ENTREP2: variants seen among roughly 807,000 people sequenced by gnomAD.
The protein encoded by ENTREP2 is endosomal transmembrane epsin interactor 2, also known as protein ENTREP2.
chr15:29,154,969 A>C, the ENTREP2 span, among the ~76,000 whole-genome samples: 1 of 152,236 alleles, frequency 6.6e-6, no homozygotes, highest in African/African-American at 2.4e-5. Context: ...CAGAAAAATG[A>C]GTCCTGAACT....
the ENTREP2 span, among the ~76,000 whole-genome samples, chr15:29,669,883 C>T: frequency 3.3e-5 from 5 of 152,178 alleles, no homozygotes; most frequent in Admixed American, 1.3e-4. Context: ...GTGGCAGTGG[C>T]TGTCTGGAGC....
chr15:29,547,547 C>A, the ENTREP2 span, among the ~76,000 whole-genome samples: 4 of 152,190 alleles, frequency 2.6e-5, no homozygotes, highest in Admixed American at 2.0e-4. Flanking sequence ...TCACCCTCAT[C>A]AGGATGGCTA....
At chr15:29,384,916 T>A in the ENTREP2 span, among the ~76,000 whole-genome samples, 3 of 152,182 alleles carry the variant, frequency 2.0e-5, no homozygotes, top group African/African-American at 7.2e-5. Context: ...TCACGCAGAC[T>A]AAGCCTGGAC....
chr15:29,136,650 C>T, the ENTREP2 span: 15 of 812,092 alleles, frequency 1.8e-5, no homozygotes, highest in Non-Finnish European at 2.4e-5. Flanking sequence ...AGTCACTGGG[C>T]GATTTGCACT....
At chr15:29,652,172 G>A in the ENTREP2 span, among the ~76,000 whole-genome samples, 37 of 152,310 alleles carry the variant, frequency 2.4e-4, no homozygotes, top group African/African-American at 8.4e-4. Flanking sequence ...CTGCAGAGAG[G>A]AGAAACACAC....
At chr15:29,134,889 G>C in the ENTREP2 span, among the ~76,000 whole-genome samples, 1 of 152,154 alleles carries the variant, frequency 6.6e-6, no homozygotes, top group Non-Finnish European at 1.5e-5. Flanking sequence ...CCCTGTGCTA[G>C]GGTGTCTTTA....
At chr15:29,303,971 C>T in the ENTREP2 span, among the ~76,000 whole-genome samples, 1 of 151,918 alleles carries the variant, frequency 6.6e-6, no homozygotes, top group African/African-American at 2.4e-5. Flanking sequence ...ACCTCCACCT[C>T]CCAGGTTCAG....
the ENTREP2 span, among the ~76,000 whole-genome samples, chr15:29,402,292 TTG>T: frequency 2.7e-3 from 355 of 131,554 alleles, 2 homozygotes; most frequent in East Asian, 6.7e-3. Flanking sequence ...GTATATTGTA[TTG>T]TGTGTGTGTG....
At chr15:29,503,728 CAATT>C in the ENTREP2 span, among the ~76,000 whole-genome samples, 2 of 152,102 alleles carry the variant, frequency 1.3e-5, no homozygotes, top group African/African-American at 2.4e-5. Flanking sequence ...TACTAATAGA[CAATT>C]AATGAATATG....
At chr15:29,185,639 G>A in the ENTREP2 span, among the ~76,000 whole-genome samples, 1 of 152,118 alleles carries the variant, frequency 6.6e-6, no homozygotes, top group South Asian at 2.1e-4. Context: ...TCAGCTCACT[G>A]CAACCTCTGC....
At chr15:29,263,868 T>G in the ENTREP2 span, among the ~76,000 whole-genome samples, 3 of 152,114 alleles carry the variant, frequency 2.0e-5, no homozygotes, top group Non-Finnish European at 4.4e-5. Flanking sequence ...AGTTAAAGTC[T>G]GAACTCCTGG....
the ENTREP2 span, among the ~76,000 whole-genome samples, chr15:29,332,890 C>T: frequency 8.5e-5 from 12 of 140,358 alleles, no homozygotes; most frequent in East Asian, 2.3e-4. Flanking sequence ...ACCCACGGGG[C>T]GGAGGTTGCA....
the ENTREP2 span, among the ~76,000 whole-genome samples, chr15:29,656,005 CAAAGCAACACTCCGTTTAAAAAAAAAAAA>C: frequency 9.2e-6 from 1 of 108,402 alleles, no homozygotes; most frequent in African/African-American, 3.5e-5. Flanking sequence ...GCCCGGGTGA[CAAAGCAACACTCCGTTTAAAAAAAAAAAA>C]AAAAAAAAAC....
the ENTREP2 span, chr15:29,570,484 CG>C: frequency 7.8e-7 from 1 of 1,287,532 alleles, no homozygotes. Flanking sequence ...AGCCCGTCCC[CG>C]CCTGGTCGCG....
chr15:29,618,747 T>TGAA, the ENTREP2 span, among the ~76,000 whole-genome samples: 48,704 of 151,872 alleles, frequency 0.32, 10,818 homozygotes, highest in African/African-American at 0.63. Context: ...CAGTGTGCCC[T>TGAA]GAAGGAGACT....
the ENTREP2 span, chr15:29,136,437 G>A: frequency 8.4e-6 from 13 of 1,547,250 alleles, no homozygotes; most frequent in Non-Finnish European, 1.1e-5. Context: ...AGCAGGCCGG[G>A]GCTATTGATG....
the ENTREP2 span, among the ~76,000 whole-genome samples, chr15:29,372,573 T>C: frequency 6.6e-6 from 1 of 152,154 alleles, no homozygotes; most frequent in Non-Finnish European, 1.5e-5. Context: ...CATCTCTAAA[T>C]ATTATAGATA....
chr15:29,451,447 C>T, the ENTREP2 span, among the ~76,000 whole-genome samples: 38 of 152,148 alleles, frequency 2.5e-4, no homozygotes, highest in Admixed American at 2.5e-3. Context: ...AAAGGCACTC[C>T]CAGACCACTG....
chr15:29,254,628 G>A, the ENTREP2 span, among the ~76,000 whole-genome samples: 5 of 152,180 alleles, frequency 3.3e-5, no homozygotes, highest in Admixed American at 1.3e-4. Flanking sequence ...GGAGGCCAAG[G>A]TGGGTGGATC....
Sources: gnomAD v4.1 joint callset for allele counts (sites outside exome capture counted in the v4.1 genomes callset) on GRCh38, gnomAD v4.1.1 for gene constraint, MANE v1.5 for transcripts, NCBI Gene and HGNC (gene_info 2026-07-23, HGNC 2026-07-21) for gene names.